The following GREB1L variants were observed in gnomAD, a reference collection of about 807,000 sequenced individuals.
GREB1L encodes GREB1 like retinoic acid receptor coactivator, also known as GREB1-like protein.
In GREB1L, 17 loss-of-function variants were observed where a neutral mutation model predicts 200.8. The observed-to-expected ratio is 0.08, with a 90% CI of 0.06 to 0.13. GREB1L has a LOEUF of 0.13. Ranked by LOEUF, GREB1L falls within the 10% of genes least tolerant of loss-of-function variation. The pLI, the probability that GREB1L is intolerant of heterozygous loss-of-function variation, is 1.00. For missense variants in GREB1L, 1,657 were observed against 2,367.7 expected (o/e 0.70, Z 6.23); for synonymous variants, 789 against 893.0 (o/e 0.88, Z 2.08).
chr18:21,274,632 G>A (rs2038132575), intron 1 of GREB1L, among the ~76,000 whole-genome samples: 1 of 152,088 alleles, frequency 6.6e-6, no homozygotes. Context: ...AATGACACAT[G>A]CCTGTAATCC....
intron 21 of GREB1L, among the ~76,000 whole-genome samples, chr18:21,499,407 G>C (rs1246189320): frequency 6.6e-6 from 1 of 152,182 alleles, no homozygotes; most frequent in African/African-American, 2.4e-5. Context: ...GACACAGGGA[G>C]GGGTGGGAGC....
intron 32 of GREB1L, 122 bp from the exon 33 acceptor site, chr18:21,522,514 TTAATAAAATAAAACAATTCTGA>T: frequency 3.1e-6 from 2 of 643,906 alleles, no homozygotes; most frequent in Non-Finnish European, 4.9e-6. Flanking sequence ...GCAAAACTAC[TTAATAAAATAAAACAATTCTGA>T]TAGATTGCTT....
intron 1 of GREB1L, among the ~76,000 whole-genome samples, chr18:21,349,624 T>C (rs1271054981): frequency 6.6e-6 from 1 of 152,070 alleles, no homozygotes; most frequent in East Asian, 1.9e-4. Flanking sequence ...CATTAGATTC[T>C]CGTAGGCTCC....
intron 15 of GREB1L, among the ~76,000 whole-genome samples, chr18:21,467,868 C>CA (rs1032044355): frequency 2.0e-5 from 3 of 151,686 alleles, no homozygotes; most frequent in East Asian, 1.9e-4. Flanking sequence ...ACTAAAAACG[C>CA]AAAAAAATTA....
At chr18:21,445,431 G>A (rs759634789) in intron 11 of GREB1L, among the ~76,000 whole-genome samples, 12 of 151,918 alleles carry the variant, frequency 7.9e-5, no homozygotes, top group South Asian at 4.1e-4. Flanking sequence ...CCCAGATCAC[G>A]TCATTGCACT....
chr18:21,247,822 T>C (rs1052889365), intron 1 of GREB1L, among the ~76,000 whole-genome samples: 1 of 152,194 alleles, frequency 6.6e-6, no homozygotes, highest in Non-Finnish European at 1.5e-5. Flanking sequence ...AAACCTCATC[T>C]TGATGTAGAG....
intron 7 of GREB1L, among the ~76,000 whole-genome samples, chr18:21,424,742 C>T (rs865840526): frequency 5.3e-5 from 8 of 152,110 alleles, no homozygotes; most frequent in South Asian, 4.1e-4. Context: ...ATTATGCAAT[C>T]GTCACCGCAG....
chr18:21,510,065 T>A (rs1474480170), intron 27 of GREB1L, among the ~76,000 whole-genome samples: 1 of 151,048 alleles, frequency 6.6e-6, no homozygotes, highest in Non-Finnish European at 1.5e-5. Context: ...AAAAAAAAAA[T>A]TAGCTGGGTG....
At chr18:21,309,254 A>C (rs534469263) in intron 1 of GREB1L, among the ~76,000 whole-genome samples, 27 of 152,310 alleles carry the variant, frequency 1.8e-4, no homozygotes, top group Admixed American at 3.3e-4. Flanking sequence ...CCAGAACCTT[A>C]GGCTGTAGAC....
chr18:21,314,237 C>A (rs2038834370), intron 1 of GREB1L, among the ~76,000 whole-genome samples: 1 of 152,142 alleles, frequency 6.6e-6, no homozygotes, highest in South Asian at 2.1e-4. Flanking sequence ...GCTACAGTTT[C>A]TTTATAATGC....
chr18:21,458,996 C>T (rs1309851459), intron 15 of GREB1L, among the ~76,000 whole-genome samples: 1 of 151,852 alleles, frequency 6.6e-6, no homozygotes, highest in African/African-American at 2.4e-5. Flanking sequence ...CGTTTTTTGC[C>T]TCCCTGCTTG....
Position 21,490,365 on chromosome 18 carries a change from A to G in GREB1L, c.3030+14A>G, listed in dbSNP as rs2036284394. 2 of 1,540,536 alleles carry G rather than the reference A, an allele frequency of 1.3e-6. No individual in the cohort carries two copies. The highest frequency in any genetic ancestry group is 3.9e-5 in the Admixed American group (2 of 50,674). On this transcript the variant is annotated intron_variant, in intron 19 of 32. Transcript: ENST00000424526. ...GCGCGATTAAAGGTTAGCAATGGAC[A>G]GACATTTCTCCTTTAAAATACCATT...
chr18:21,461,734 A>G (rs1023924859), intron 15 of GREB1L, among the ~76,000 whole-genome samples: 7 of 152,148 alleles, frequency 4.6e-5, no homozygotes, highest in African/African-American at 1.4e-4. Context: ...ATGTTTATTA[A>G]TGATCTTTCT....
At chr18:21,388,459 T>C (rs2040634891) in intron 4 of GREB1L, among the ~76,000 whole-genome samples, 1 of 151,568 alleles carries the variant, frequency 6.6e-6, no homozygotes, top group South Asian at 2.1e-4. Context: ...GGTTTTTTCC[T>C]AATATCCTTT....
At chr18:21,516,371 T>C (rs1345675166) in intron 29 of GREB1L, among the ~76,000 whole-genome samples, 1 of 152,206 alleles carries the variant, frequency 6.6e-6, no homozygotes, top group African/African-American at 2.4e-5. Context: ...TGTTTTTGCA[T>C]AGGGATACCT....
rs1271534458 is a variant in GREB1L, at chr18:21,345,639, G to T, written c.-119-20388G>T. Among the ~76,000 whole-genome samples, 13 of 152,130 alleles carry T rather than the reference G, an allele frequency of 8.5e-5. No individual in the cohort carries two copies. In the South Asian group the frequency reaches 2.7e-3, roughly 32 times the overall value. ...TGTAATCCCAGCACTTTGGGAGGCC[G>T]AGGTGGGTGGATCACTTGAGGTCAG... On this transcript the variant is annotated intron_variant, in intron 1 of 32. Transcript: ENST00000424526.
At chr18:21,344,931 A>G (rs891984223) in intron 1 of GREB1L, among the ~76,000 whole-genome samples, 2 of 152,196 alleles carry the variant, frequency 1.3e-5, no homozygotes, top group African/African-American at 4.8e-5. Context: ...TGACCTAATT[A>G]TATCTTTGAC....
intron 1 of GREB1L, among the ~76,000 whole-genome samples, chr18:21,275,578 G>C (rs1696935109): frequency 6.6e-6 from 1 of 150,906 alleles, no homozygotes; most frequent in Admixed American, 6.6e-5. Context: ...ACTTGAACCT[G>C]GGAGGCAGAG....
intron 1 of GREB1L, among the ~76,000 whole-genome samples, chr18:21,269,358 CT>C (rs1265553412): frequency 6.6e-6 from 1 of 152,026 alleles, no homozygotes; most frequent in Admixed American, 6.6e-5. Flanking sequence ...TAGGAATGGC[CT>C]TTCTTCTCAA....
Sources: allele counts gnomAD v4.1 joint callset (sites outside exome capture counted in the v4.1 genomes callset), GRCh38; gene constraint gnomAD v4.1.1; transcripts MANE v1.5; gene names NCBI Gene and HGNC (gene_info 2026-07-23, HGNC 2026-07-21).